The following TMEM272 variants were observed in gnomAD, a reference collection of about 807,000 sequenced individuals.
The protein encoded by TMEM272 is long intergenic non-protein coding RNA 282.
TMEM272 carries 8 observed loss-of-function variants against 3.7 expected under a neutral mutation model. The observed-to-expected ratio is 2.17, with a 90% CI of 1.27 to 3.91. The LOEUF (loss-of-function observed/expected upper bound fraction) is 3.91, where lower values mean the gene tolerates loss of function less well. Among genes scored for constraint, TMEM272 ranks in the 30% most tolerant of loss-of-function variants. The pLI is 0.00. For missense variants in TMEM272, 166 were observed against 91.5 expected (o/e 1.81, Z -3.32); for synonymous variants, 63 against 39.8 (o/e 1.58, Z -2.20).
intron 1 of TMEM272, among the ~76,000 whole-genome samples, chr13:51,839,389 A>G (rs1956242522): frequency 6.6e-6 from 1 of 152,186 alleles, no homozygotes. Context: ...GGGTGTGCGT[A>G]GTTCCACCAC....
the TMEM272 span, among the ~76,000 whole-genome samples, chr13:51,911,168 C>T: frequency 5.1e-3 from 774 of 152,240 alleles, 5 homozygotes; most frequent in Non-Finnish European, 9.6e-3. Context: ...AGATTATGCC[C>T]CATGGTAAAT....
chr13:51,918,389 A>T, the TMEM272 span, among the ~76,000 whole-genome samples: 4 of 152,014 alleles, frequency 2.6e-5, no homozygotes, highest in African/African-American at 9.7e-5. Flanking sequence ...TGCACAAGGC[A>T]GTATGAAGGG....
chr13:51,909,846 T>C, the TMEM272 span: 17 of 1,591,026 alleles, frequency 1.1e-5, no homozygotes, highest in Non-Finnish European at 1.4e-5. Flanking sequence ...ATTTTCTTTA[T>C]CATTTAGAAC....
the TMEM272 span, among the ~76,000 whole-genome samples, chr13:51,889,304 T>C: frequency 6.6e-6 from 1 of 152,206 alleles, no homozygotes; most frequent in Non-Finnish European, 1.5e-5. Flanking sequence ...AAAATTCATA[T>C]GTTGAAGCCC....
At chr13:51,820,681 T>G (rs955903542) in intron 4 of TMEM272, among the ~76,000 whole-genome samples, 3 of 152,198 alleles carry the variant, frequency 2.0e-5, no homozygotes, top group Admixed American at 2.0e-4. Flanking sequence ...AGGTAATTAC[T>G]GCTGAAAACG....
the TMEM272 span, among the ~76,000 whole-genome samples, chr13:51,926,588 T>C: frequency 7.9e-6 from 1 of 125,792 alleles, no homozygotes; most frequent in East Asian, 2.7e-4. Flanking sequence ...GCAAAACAGG[T>C]TAAGGTCCCT....
At chr13:51,922,712 A>AG in the TMEM272 span, among the ~76,000 whole-genome samples, 1 of 152,226 alleles carries the variant, frequency 6.6e-6, no homozygotes, top group Non-Finnish European at 1.5e-5. Context: ...GCTAAAATCA[A>AG]GATGTGGGCA....
At chr13:51,930,124 C>A in the TMEM272 span, among the ~76,000 whole-genome samples, 2 of 104,866 alleles carry the variant, frequency 1.9e-5, 1 homozygote, top group South Asian at 6.0e-4. Context: ...GGAGTATTTG[C>A]CTTCCCCCCC....
the TMEM272 span, chr13:51,865,910 T>C: frequency 6.2e-7 from 1 of 1,613,922 alleles, no homozygotes; most frequent in Non-Finnish European, 8.5e-7. Flanking sequence ...GAAAGCCCTG[T>C]GGGAAGATAA....
chr13:51,897,362 ATTTTTTT>A, the TMEM272 span, among the ~76,000 whole-genome samples: 17 of 82,442 alleles, frequency 2.1e-4, no homozygotes, highest in South Asian at 1.3e-3. Flanking sequence ...TGTCTGGCTA[ATTTTTTT>A]TTTTTTTTTT....
chr13:51,890,959 T>TACAA, the TMEM272 span, among the ~76,000 whole-genome samples: 1 of 152,348 alleles, frequency 6.6e-6, no homozygotes. Flanking sequence ...GCCACTGTTG[T>TACAA]CATGAATGTT....
chr13:51,903,647 C>T, the TMEM272 span, among the ~76,000 whole-genome samples: 1 of 152,244 alleles, frequency 6.6e-6, no homozygotes, highest in Non-Finnish European at 1.5e-5. Flanking sequence ...AAGTTAAACA[C>T]CCAGAAGTCC....
chr13:51,919,917 T>C, the TMEM272 span, among the ~76,000 whole-genome samples: 5 of 151,884 alleles, frequency 3.3e-5, no homozygotes, highest in Middle Eastern at 3.4e-3. Context: ...GCCTAGCTCA[T>C]AGTGGATTAA....
At chr13:51,865,515 A>G in the TMEM272 span, 9 of 1,614,240 alleles carry the variant, frequency 5.6e-6, no homozygotes, top group Non-Finnish European at 7.6e-6. Context: ...CACAAGCTGC[A>G]GGAGGAAAAG....
upstream of TMEM272, among the ~76,000 whole-genome samples, chr13:51,845,681 A>G (rs1404909584): frequency 6.6e-6 from 1 of 152,240 alleles, no homozygotes; most frequent in African/African-American, 2.4e-5. Flanking sequence ...TTAGACCTGA[A>G]GCAGGCTGCT....
chr13:51,867,157 G>A, the TMEM272 span, among the ~76,000 whole-genome samples: 23 of 152,228 alleles, frequency 1.5e-4, no homozygotes, highest in African/African-American at 2.2e-4. Context: ...TTACCTCACC[G>A]TAGTGGGTCC....
chr13:51,903,941 A>C, the TMEM272 span, among the ~76,000 whole-genome samples: 2 of 9,146 alleles, frequency 2.2e-4, no homozygotes, highest in South Asian at 2.7e-3. Context: ...ACAGTCTTCC[A>C]CGTGTGTGTG....
rs1181861358 is a variant in TMEM272 at position 51,814,013 on chromosome 13, T to A, written c.*2738A>T. 6.6e-6 allele frequency: 1 copy of A among 152,212 alleles called. No individual in the cohort carries two copies. Among genetic ancestry groups the A allele is most frequent in the Non-Finnish European group, 1.5e-5 (1 of 68,034 alleles). The allele number at this position is 152,212 out of a possible 1,614,324, so 9.4% of individuals were successfully genotyped here. On this transcript the variant is annotated 3_prime_UTR_variant, in exon 5 of 5. Coordinates refer to ENST00000629372, the MANE Select transcript of TMEM272 (RefSeq NM_001351003.2). ...GCCCAGCTCTTGGGCCAGTCTTAGATGGGCATTTTCATTCTCCAGGTATAC... is the reference window on the plus strand; with the variant it reads ...GCCCAGCTCTTGGGCCAGTCTTAGAAGGGCATTTTCATTCTCCAGGTATAC...
the TMEM272 span, among the ~76,000 whole-genome samples, chr13:51,901,545 C>T: frequency 6.7e-6 from 1 of 149,094 alleles, no homozygotes; most frequent in Admixed American, 6.9e-5. Context: ...CCAACAAAAA[C>T]ACAGAAATAC....
Sources: gnomAD v4.1 joint callset for allele counts (sites outside exome capture counted in the v4.1 genomes callset) on GRCh38, gnomAD v4.1.1 for gene constraint, MANE v1.5 for transcripts, NCBI Gene and HGNC (gene_info 2026-07-23, HGNC 2026-07-21) for gene names.